The following MCTP1 variants were observed in gnomAD, a reference collection of about 807,000 sequenced individuals.
The protein encoded by MCTP1 is multiple C2 and transmembrane domain containing 1, also known as multiple C2 and transmembrane domain-containing protein 1.
A neutral mutation model predicts 120.6 loss-of-function variants in MCTP1; 69 were observed. That is an observed-to-expected ratio of 0.57 (90% confidence interval 0.47 to 0.70). The LOEUF (loss-of-function observed/expected upper bound fraction) is 0.70, where lower values mean the gene tolerates loss of function less well. Among genes scored for constraint, MCTP1 ranks in the 30% least tolerant of loss-of-function variants. MCTP1 has a pLI of 0.00. For synonymous variants in MCTP1, 529 were observed against 493.1 expected, an observed-to-expected ratio of 1.07 and a Z score of -0.96; for missense variants, 1,203 against 1,248.8, an observed-to-expected ratio of 0.96 and a Z score of 0.55.
chr5:94,871,098 A>T (rs1234941384), intron 14 of MCTP1, 125 bp from the exon 15 acceptor site: 11 of 792,632 alleles, frequency 1.4e-5, no homozygotes, highest in Non-Finnish European at 2.3e-5. Context: ...CAATTCTGAC[A>T]AGTACCTGTT....
At chr5:94,944,998 T>C (rs139373813) in intron 3 of MCTP1, among the ~76,000 whole-genome samples, 1 of 152,168 alleles carries the variant, frequency 6.6e-6, no homozygotes, top group Non-Finnish European at 1.5e-5. Flanking sequence ...ATTTTTCAGA[T>C]AATGAATCCA....
At chr5:95,148,998 C>G (rs1441409001) in intron 1 of MCTP1, among the ~76,000 whole-genome samples, 1 of 152,190 alleles carries the variant, frequency 6.6e-6, no homozygotes, top group African/African-American at 2.4e-5. Context: ...CAGTAGATGA[C>G]ACTTAACAGT....
At chr5:94,787,549 C>A (rs1055029793) in intron 18 of MCTP1, among the ~76,000 whole-genome samples, 5 of 152,048 alleles carry the variant, frequency 3.3e-5, no homozygotes, top group African/African-American at 4.8e-5. Flanking sequence ...ATGTCTAAGC[C>A]CCCACTTGCT....
Position 95,176,251 on chromosome 5 carries a change from G to A in MCTP1, c.720+107605C>T, listed in dbSNP as rs571755259. Reference sequence around the variant, plus strand: ...AAGAACGAGCAGTAGTAGGCCATGCGTGGTGGCTCACGCCTGTAATCCCAG... The same window carrying A: ...AAGAACGAGCAGTAGTAGGCCATGCATGGTGGCTCACGCCTGTAATCCCAG... On this transcript the variant is annotated intron_variant, in intron 1 of 22. Coordinates refer to ENST00000515393, the MANE Select transcript of MCTP1 (RefSeq NM_024717.7). Among the ~76,000 whole-genome samples, 10 of 152,264 alleles carry A rather than the reference G, an allele frequency of 6.6e-5. No homozygotes were observed. The East Asian group carries it at 1.4e-3, about 21-fold the overall frequency.
At chr5:94,826,652 G>A in intron 17 of MCTP1, 1 of 750,576 alleles carries the variant, frequency 1.3e-6, no homozygotes, top group Non-Finnish European at 2.3e-6. Flanking sequence ...GAGGGTTTCT[G>A]GCACAGCAGG....
intron 1 of MCTP1, among the ~76,000 whole-genome samples, chr5:95,149,082 G>A (rs1760664209): frequency 6.6e-6 from 1 of 152,314 alleles, no homozygotes; most frequent in South Asian, 2.1e-4. Flanking sequence ...GTGCTCTGTG[G>A]TTGGAAAGAG....
chr5:95,049,553 A>G (rs1745375760), intron 1 of MCTP1, among the ~76,000 whole-genome samples: 1 of 152,196 alleles, frequency 6.6e-6, no homozygotes, highest in Non-Finnish European at 1.5e-5. Context: ...TAAAATGCAA[A>G]ATAATCATAA....
intron 17 of MCTP1, among the ~76,000 whole-genome samples, chr5:94,834,003 C>T (rs947479485): frequency 6.6e-6 from 1 of 152,198 alleles, no homozygotes; most frequent in Non-Finnish European, 1.5e-5. Context: ...TATTTATGCT[C>T]ATGTACCAGC....
chr5:94,964,141 A>G (rs1561936895), intron 2 of MCTP1, among the ~76,000 whole-genome samples: 1 of 151,980 alleles, frequency 6.6e-6, no homozygotes, highest in Non-Finnish European at 1.5e-5. Context: ...TTGTTGGCCT[A>G]TGTGTCTGCT....
At chr5:95,003,850 A>T (rs1834176757) in intron 2 of MCTP1, among the ~76,000 whole-genome samples, 1 of 152,204 alleles carries the variant, frequency 6.6e-6, no homozygotes, top group Non-Finnish European at 1.5e-5. Context: ...GTACCAGAGA[A>T]GTGGGGCATT....
Position 94,886,566 on chromosome 5 carries a change from T to A in MCTP1, c.1933+2313A>T, listed in dbSNP as rs537233544. The stretch of plus-strand genomic sequence containing the variant: ...AACCGTGTATCTTACAGTAACAGGC[T>A]CATTTGTACCATGTTAGAAAATATT... On this transcript the variant is annotated intron_variant, in intron 12 of 22. Coordinates refer to ENST00000515393, the MANE Select transcript of MCTP1 (RefSeq NM_024717.7). Among the ~76,000 whole-genome samples the A allele has an allele frequency of 2.6e-5, 4 of 152,332 alleles. No individual in the cohort carries two copies. In the South Asian group the frequency reaches 8.3e-4, roughly 32 times the overall value.
intron 5 of MCTP1, among the ~76,000 whole-genome samples, chr5:94,937,307 G>A (rs1212184482): frequency 1.3e-5 from 2 of 152,000 alleles, no homozygotes; most frequent in Non-Finnish European, 2.9e-5. Flanking sequence ...AATACCTTTG[G>A]AAGGATTTCT....
At chr5:95,078,042 C>CCATCCATCCATCCATG (rs1562121593) in intron 1 of MCTP1, among the ~76,000 whole-genome samples, 1 of 38,154 alleles carries the variant, frequency 2.6e-5, no homozygotes, top group Non-Finnish European at 9.7e-5. Flanking sequence ...ATCCATCCAT[C>CCATCCATCCATCCATG]CATCCATCCA....
At chr5:95,020,774 C>T (rs114090158) in intron 1 of MCTP1, among the ~76,000 whole-genome samples, 1,663 of 151,950 alleles carry the variant, frequency 0.011, 21 homozygotes, top group Non-Finnish European at 0.017. Flanking sequence ...AAGTGTACTG[C>T]GTGAAATAGG....
At chr5:94,963,225 T>C (rs1824719324) in intron 2 of MCTP1, among the ~76,000 whole-genome samples, 2 of 152,146 alleles carry the variant, frequency 1.3e-5, no homozygotes, top group Admixed American at 1.3e-4. Context: ...TTTAGATTGC[T>C]TCCATATCTT....
At chr5:95,062,676 C>T (rs1749549929) in intron 1 of MCTP1, among the ~76,000 whole-genome samples, 1 of 152,154 alleles carries the variant, frequency 6.6e-6, no homozygotes, top group South Asian at 2.1e-4. Context: ...CCCTCCAAGC[C>T]AGAACAATCA....
chr5:94,817,117 T>C (rs1048377452), intron 17 of MCTP1, among the ~76,000 whole-genome samples: 1 of 152,142 alleles, frequency 6.6e-6, no homozygotes, highest in Non-Finnish European at 1.5e-5. Context: ...AGCTAAACTG[T>C]GTCTGGGCTG....
intron 1 of MCTP1, among the ~76,000 whole-genome samples, chr5:95,039,236 A>T (rs919037793): frequency 1.3e-5 from 2 of 152,218 alleles, no homozygotes; most frequent in Non-Finnish European, 2.9e-5. Context: ...CAAAAAACAG[A>T]TTAGTATCTA....
chr5:95,161,554 G>A (rs1745746923), intron 1 of MCTP1, among the ~76,000 whole-genome samples: 1 of 152,008 alleles, frequency 6.6e-6, no homozygotes, highest in Admixed American at 6.6e-5. Context: ...TAATAAAATG[G>A]ATCGTATACT....
Sources: allele counts gnomAD v4.1 joint callset (sites outside exome capture counted in the v4.1 genomes callset), GRCh38; gene constraint gnomAD v4.1.1; transcripts MANE v1.5; gene names NCBI Gene and HGNC (gene_info 2026-07-23, HGNC 2026-07-21).